Variants in TRIM24 observed in about 807,000 individuals in gnomAD.
The protein encoded by TRIM24 is tripartite motif containing 24.
TRIM24 carries 29 observed loss-of-function variants against 123.9 expected under a neutral mutation model. That is an observed-to-expected ratio of 0.23 (90% CI 0.17 to 0.32). TRIM24 has a LOEUF of 0.32. Ranked by LOEUF, TRIM24 falls within the 10% of genes least tolerant of loss-of-function variation. TRIM24 has a pLI of 1.00. For synonymous variants in TRIM24, 456 were observed against 461.1 expected, an observed-to-expected ratio of 0.99 and a Z score of 0.14; for missense variants, 932 against 1,295.3, an observed-to-expected ratio of 0.72 and a Z score of 4.31.
Position 138,479,873 on chromosome 7 carries a change from G to A in TRIM24, c.364+18961G>A, listed in dbSNP as rs147310873. Among the ~76,000 whole-genome samples the A allele has an allele frequency of 1.8e-3, 280 of 151,820 alleles. 2 individuals carry two copies. Among genetic ancestry groups the A allele is most frequent in the African/African-American group, 6.2e-3 (257 of 41,376 alleles). On this transcript the variant is annotated intron_variant, in intron 1 of 18. Coordinates refer to ENST00000343526, the MANE Select transcript of TRIM24 (RefSeq NM_015905.3). ...TTGCTCTTGTTGCCCAGACTGGAGT[G>A]CAATGGTGCGAGCTCAGCTCACTGC...
intron 18 of TRIM24, among the ~76,000 whole-genome samples, chr7:138,584,358 A>T (rs1797968343): frequency 6.6e-6 from 1 of 152,318 alleles, no homozygotes; most frequent in Middle Eastern, 3.4e-3. Flanking sequence ...CTGTCAGTTC[A>T]TCTACACATC....
chr7:138,517,593 C>T (rs529680115), intron 3 of TRIM24, among the ~76,000 whole-genome samples: 31 of 152,136 alleles, frequency 2.0e-4, no homozygotes, highest in Admixed American at 1.4e-3. Context: ...AGGCTGGTCT[C>T]GAACTCCTGA....
At chr7:138,525,961 A>T (rs932920449) in intron 5 of TRIM24, among the ~76,000 whole-genome samples, 2 of 152,172 alleles carry the variant, frequency 1.3e-5, no homozygotes, top group Admixed American at 6.5e-5. Context: ...ACCTCCATGG[A>T]GCGGGGGCAG....
At chr7:138,542,586 A>G (rs925587390) in intron 7 of TRIM24, among the ~76,000 whole-genome samples, 13 of 152,200 alleles carry the variant, frequency 8.5e-5, no homozygotes, top group African/African-American at 3.1e-4. Flanking sequence ...GATTTTCTCA[A>G]TGTGGTGTTG....
chr7:138,502,307 A>G (rs573580046), intron 1 of TRIM24, among the ~76,000 whole-genome samples: 1 of 152,348 alleles, frequency 6.6e-6, no homozygotes, highest in African/African-American at 2.4e-5. Flanking sequence ...TTGTTACAAC[A>G]ATCCTGCCTC....
At chr7:138,469,823 A>G (rs1410120009) in intron 1 of TRIM24, among the ~76,000 whole-genome samples, 1 of 152,216 alleles carries the variant, frequency 6.6e-6, no homozygotes, top group African/African-American at 2.4e-5. Flanking sequence ...AGCATGTCAA[A>G]TGGCTACATT....
chr7:138,492,193 G>T (rs1795802342), intron 1 of TRIM24, among the ~76,000 whole-genome samples: 1 of 141,980 alleles, frequency 7.0e-6, no homozygotes, highest in African/African-American at 2.6e-5. Context: ...GAACACTTGA[G>T]CCTAGGAGGT....
At chr7:138,480,642 T>C (rs1323888990) in intron 1 of TRIM24, among the ~76,000 whole-genome samples, 1 of 152,170 alleles carries the variant, frequency 6.6e-6, no homozygotes, top group Non-Finnish European at 1.5e-5. Flanking sequence ...TTTTGTTTTG[T>C]TTTTTTAAAT....
chr7:138,535,048 T>G (rs1029514466), intron 6 of TRIM24, among the ~76,000 whole-genome samples: 3 of 152,184 alleles, frequency 2.0e-5, no homozygotes, highest in East Asian at 1.9e-4. Context: ...CCCTGCCTTT[T>G]TTTGTTTTCC....
intron 1 of TRIM24, among the ~76,000 whole-genome samples, chr7:138,462,312 G>C (rs978516970): frequency 6.6e-6 from 1 of 151,740 alleles, no homozygotes; most frequent in Non-Finnish European, 1.5e-5. Context: ...ATGGGAACCT[G>C]GAGTTCTGAG....
rs773201743 is a variant in TRIM24 at position 138,525,366 on chromosome 7, A to G, written c.881+9A>G. On this transcript the variant is annotated intron_variant, in intron 5 of 18. Transcript: ENST00000343526. Reference sequence around the variant, plus strand: ...AATCAGATCCAAAACAGGTAATTTTATGGTATTATGTAATCATTTTTATAT... The same window carrying G: ...AATCAGATCCAAAACAGGTAATTTTGTGGTATTATGTAATCATTTTTATAT... The G allele has an allele frequency of 2.2e-6, 3 of 1,372,680 alleles. No homozygotes were observed. The highest frequency in any genetic ancestry group is 2.0e-6 in the Non-Finnish European group (2 of 1,017,608). 85.0% of individuals were successfully genotyped at this position (1,372,680 alleles called of 1,614,324 possible).
intron 1 of TRIM24, chr7:138,461,113 C>T (rs990579981): frequency 4.2e-6 from 3 of 716,306 alleles, no homozygotes; most frequent in African/African-American, 3.5e-5. Context: ...AGCAACTTCC[C>T]CGGGCGCTGT....
chr7:138,502,595 C>T (rs1248973225), intron 1 of TRIM24, among the ~76,000 whole-genome samples: 4 of 152,120 alleles, frequency 2.6e-5, no homozygotes, highest in South Asian at 2.1e-4. Flanking sequence ...ACGGGCCAGT[C>T]GTAGCACCCA....
At chr7:138,570,551 A>G (rs1797632176) in intron 10 of TRIM24, among the ~76,000 whole-genome samples, 1 of 152,006 alleles carries the variant, frequency 6.6e-6, no homozygotes, top group African/African-American at 2.4e-5. Context: ...TTTTTTTCCA[A>G]TATGTATAAA....
chr7:138,530,491 G>C (rs555299274), intron 6 of TRIM24, among the ~76,000 whole-genome samples: 6 of 151,980 alleles, frequency 3.9e-5, no homozygotes, highest in Non-Finnish European at 8.8e-5. Context: ...TTTGAGACAG[G>C]GTCTCACTCT....
intron 9 of TRIM24, among the ~76,000 whole-genome samples, chr7:138,567,000 A>G (rs1261816209): frequency 6.6e-6 from 1 of 152,220 alleles, no homozygotes; most frequent in African/African-American, 2.4e-5. Context: ...GTGCTTTATA[A>G]TAATATTGCT....
At chr7:138,536,870 G>T (rs927224253) in intron 6 of TRIM24, among the ~76,000 whole-genome samples, 2 of 152,182 alleles carry the variant, frequency 1.3e-5, no homozygotes, top group African/African-American at 4.8e-5. Flanking sequence ...CACCCAGTTC[G>T]AGCTTCCTGG....
At chr7:138,485,706 G>A (rs1795630705) in intron 1 of TRIM24, among the ~76,000 whole-genome samples, 1 of 152,180 alleles carries the variant, frequency 6.6e-6, no homozygotes, top group Non-Finnish European at 1.5e-5. Context: ...ATTCCATGGT[G>A]TATATGCGCC....
intron 16 of TRIM24, among the ~76,000 whole-genome samples, chr7:138,581,489 G>GTGAT (rs2083467899): frequency 6.6e-6 from 1 of 152,220 alleles, no homozygotes; most frequent in Non-Finnish European, 1.5e-5. Context: ...TGGTTTTCTA[G>GTGAT]TGATTGTCTT....
Sources: gnomAD v4.1 joint callset for allele counts (sites outside exome capture counted in the v4.1 genomes callset) on GRCh38, gnomAD v4.1.1 for gene constraint, MANE v1.5 for transcripts, NCBI Gene and HGNC (gene_info 2026-07-23, HGNC 2026-07-21) for gene names.